LRP5: variants seen among roughly 807,000 people sequenced by gnomAD.
The protein encoded by LRP5 is LDL receptor related protein 5, also known as low-density lipoprotein receptor-related protein 5.
Under a neutral mutation model 154.1 loss-of-function variants are expected in LRP5, and 62 were observed. The ratio of observed to expected loss-of-function variants is 0.40; its 90% confidence interval spans 0.33 to 0.50. The LOEUF (loss-of-function observed/expected upper bound fraction) is 0.50, where lower values mean the gene tolerates loss of function less well. Ranked by LOEUF, LRP5 falls within the 20% of genes least tolerant of loss-of-function variation. The pLI is 0.55. For missense variants in LRP5, 1,915 were observed against 2,336.7 expected, an observed-to-expected ratio of 0.82 and a Z score of 3.72; for synonymous variants, 966 against 1,011.5, an observed-to-expected ratio of 0.96 and a Z score of 0.85.
At chr11:68,422,046 G>A (rs2098666119) in intron 13 of LRP5, among the ~76,000 whole-genome samples, 1 of 152,124 alleles carries the variant, frequency 6.6e-6, no homozygotes, top group African/African-American at 2.4e-5. Flanking sequence ...TCCCACCTCA[G>A]CCTTCTGAAT....
chr11:68,445,974 CTG>C (rs1294718477), intron 21 of LRP5, among the ~76,000 whole-genome samples: 1 of 152,176 alleles, frequency 6.6e-6, no homozygotes, highest in East Asian at 1.9e-4. Flanking sequence ...AGGAGTTAGA[CTG>C]TGTGTGATGG....
upstream of LRP5, among the ~76,000 whole-genome samples, chr11:68,308,841 C>T (rs1432664162): frequency 1.1e-4 from 17 of 150,634 alleles, no homozygotes; most frequent in Non-Finnish European, 1.9e-4. Flanking sequence ...CTCTGCCTCC[C>T]GGGTTCAAGT....
chr11:68,430,398 T>A (rs1357247459), intron 17 of LRP5, among the ~76,000 whole-genome samples: 1 of 152,188 alleles, frequency 6.6e-6, no homozygotes, highest in Non-Finnish European at 1.5e-5. Context: ...GGTCTCGAAC[T>A]CCTGACCTCG....
the LRP5 span, among the ~76,000 whole-genome samples, chr11:68,301,863 C>G: frequency 6.6e-6 from 1 of 151,734 alleles, no homozygotes; most frequent in Non-Finnish European, 1.5e-5. Flanking sequence ...CTCCTGACCT[C>G]GTGATCCGCC....
Position 68,426,184 on chromosome 11 carries a change from T to C in LRP5, c.3634T>C (p.Phe1212Leu). 2 of 1,610,326 alleles carry C rather than the reference T, an allele frequency of 1.2e-6. No homozygotes were observed. Among genetic ancestry groups the C allele is most frequent in the Non-Finnish European group, 1.7e-6 (2 of 1,179,658 alleles). The change falls in exon 16 of 23, where the codon TTC becomes CTC. Residue 1212 changes from phenylalanine to leucine, a missense_variant. Phe to Leu is a conservative substitution (Grantham distance 22). This residue lies in a region of LRP5 where 1,094 missense variants were observed against 1,210.1 expected (regional missense o/e 0.90). Coordinates refer to ENST00000294304, the MANE Select transcript of LRP5 (RefSeq NM_002335.4). ...HAVEEVSLEEFSAHPCARDNG... is the reference protein window; with the variant it reads ...HAVEEVSLEELSAHPCARDNG... The stretch of plus-strand genomic sequence containing the variant: ...AGTGGAGGAAGTCAGCCTGGAGGAG[T>C]TCTGTACGTGGGGGCTGGCAGTGGG...
chr11:68,383,937 T>C (rs949729156), intron 5 of LRP5, among the ~76,000 whole-genome samples: 3 of 152,120 alleles, frequency 2.0e-5, no homozygotes, highest in African/African-American at 4.8e-5. Flanking sequence ...CAGATTCCCC[T>C]CCCCCTACCA....
intron 2 of LRP5, among the ~76,000 whole-genome samples, chr11:68,356,126 G>A (rs1470499307): frequency 6.6e-6 from 1 of 150,408 alleles, no homozygotes; most frequent in Non-Finnish European, 1.5e-5. Context: ...TTACAGGCAT[G>A]AGCCACCGCA....
intron 1 of LRP5, among the ~76,000 whole-genome samples, chr11:68,314,891 A>AC (rs1207857992): frequency 1.3e-5 from 2 of 152,240 alleles, no homozygotes; most frequent in African/African-American, 4.8e-5. Context: ...TTCGCCGGTG[A>AC]ACCCGATCCA....
chr11:68,367,472 C>T lies in LRP5; in HGVS notation c.1015+1770C>T, dbSNP rs114911377. 6.0e-3 allele frequency among the ~76,000 whole-genome samples: 912 copies of T among 152,312 alleles called. 4 individuals carry two copies. Among genetic ancestry groups the T allele is most frequent in the African/African-American group, 0.02 (817 of 41,562 alleles). ...GACTGCCCCAGGACGCTGCCTGCTC[C>T]CTGGAGGAGGGGGTGCCTCGGCTGC... On this transcript the variant is annotated intron_variant, in intron 5 of 22. Coordinates refer to ENST00000294304, the MANE Select transcript of LRP5 (RefSeq NM_002335.4).
chr11:68,322,679 T>A (rs1222854288), intron 1 of LRP5, among the ~76,000 whole-genome samples: 3 of 152,278 alleles, frequency 2.0e-5, no homozygotes, highest in Non-Finnish European at 4.4e-5. Flanking sequence ...GATCAGTAAC[T>A]GTTCTGAGGC....
Position 68,423,403 on chromosome 11 carries a change from G to A in LRP5, c.3028-86G>A, listed in dbSNP as rs571989980. Reference sequence around the variant, plus strand: ...TGCCCGGGGGTCTCCACCAGTGCCCGGGGGTCTCCGCCAGTGCCAGGGGTC... The same window carrying A: ...TGCCCGGGGGTCTCCACCAGTGCCCAGGGGTCTCCGCCAGTGCCAGGGGTC... On this transcript the variant is annotated intron_variant, in intron 13 of 22. Transcript: ENST00000294304. The surrounding 1 kb of genome is among the most constrained non-coding windows in gnomAD (Gnocchi z 4.7). The A allele has an allele frequency of 1.5e-4, 187 of 1,281,158 alleles. 3 individuals carry two copies. The South Asian group carries it at 2.0e-3, about 14-fold the overall frequency. 79.4% of individuals were successfully genotyped at this position (1,281,158 alleles called of 1,614,324 possible).
chr11:68,374,597 C>T (rs1347764466), intron 5 of LRP5, among the ~76,000 whole-genome samples: 2 of 152,186 alleles, frequency 1.3e-5, no homozygotes, highest in Non-Finnish European at 1.5e-5. Context: ...TTGACAGCTG[C>T]ATATGTCTGC....
intron 7 of LRP5, among the ~76,000 whole-genome samples, chr11:68,402,809 G>T (rs1305179399): frequency 1.3e-5 from 2 of 152,218 alleles, no homozygotes; most frequent in Non-Finnish European, 2.9e-5. Context: ...CTGTCAGCCT[G>T]CAGTGGTTCG....
intron 1 of LRP5, among the ~76,000 whole-genome samples, chr11:68,314,791 G>A (rs568482300): frequency 1.3e-5 from 2 of 152,248 alleles, no homozygotes; most frequent in Admixed American, 6.5e-5. Context: ...GGCTGAGTGG[G>A]GTTAACCAAG....
chr11:68,371,939 C>T (rs7126388), intron 5 of LRP5, among the ~76,000 whole-genome samples: 1,555 of 152,328 alleles, frequency 0.01, 38 homozygotes, highest in African/African-American at 0.036. Flanking sequence ...CCTGGGGTCA[C>T]ACAGGGATCT....
intron 5 of LRP5, among the ~76,000 whole-genome samples, chr11:68,379,157 A>T (rs1260096394): frequency 6.6e-6 from 1 of 152,210 alleles, no homozygotes; most frequent in East Asian, 1.9e-4. Context: ...TCGTTCATGC[A>T]AATTCCGACA....
chr11:68,438,527 T>C lies in LRP5; in HGVS notation c.4193T>C (p.Phe1398Ser), dbSNP rs749021748. 6.2e-7 allele frequency: 1 copy of C among 1,614,220 alleles called. No homozygotes were observed. Among genetic ancestry groups the C allele is most frequent in the Admixed American group, 1.7e-5 (1 of 60,034 alleles). ...GPVIGIILSL[F>S]VMGGVYFVCQ... ...GTCATTGGCATCATCCTCTCTCTCTTCGTCATGGGTGGTGTCTATTTTGTG... is the reference window on the plus strand; with the variant it reads ...GTCATTGGCATCATCCTCTCTCTCTCCGTCATGGGTGGTGTCTATTTTGTG... The change falls in exon 20 of 23, where the codon TTC becomes TCC. Residue 1398 changes from phenylalanine (F) to serine (S), a missense_variant. Around this residue, in one of 3 missense-constraint regions of LRP5, gnomAD observed 1,094 missense variants for 1,210.1 expected, o/e 0.90. Coordinates refer to ENST00000294304, the MANE Select transcript of LRP5 (RefSeq NM_002335.4).
Position 68,425,138 on chromosome 11 carries a change from C to G in LRP5, c.3273C>G (p.Ala1091=). 5.6e-6 allele frequency: 9 copies of G among 1,613,746 alleles called. No individual in the cohort carries two copies. Among genetic ancestry groups the G allele is most frequent in the Non-Finnish European group, 7.6e-6 (9 of 1,179,902 alleles). ...TCACCAACATGCAGGACCGGGCAGC[C>G]AAGATCGAACGCGCAGCCCTGGACG... ...LYFTNMQDRA[A]KIERAALDGT... Residue 1091 remains alanine, a synonymous_variant, in exon 15 of 23, where the codon GCC becomes GCG. Transcript: ENST00000294304.
chr11:68,443,211 A>C (rs535451541), intron 21 of LRP5, among the ~76,000 whole-genome samples: 1 of 151,970 alleles, frequency 6.6e-6, no homozygotes, highest in Non-Finnish European at 1.5e-5. Flanking sequence ...TGTGTGTTTA[A>C]GAACCTTTGG....
Sources: gnomAD v4.1 joint callset for allele counts (sites outside exome capture counted in the v4.1 genomes callset) on GRCh38, gnomAD v4.1.1 for gene constraint, gnomAD v4.1.1 regional missense constraint, Gnocchi (gnomAD v3.1) non-coding constraint, MANE v1.5 for transcripts, NCBI Gene and HGNC (gene_info 2026-07-23, HGNC 2026-07-21) for gene names.